RABGAP1L: variants seen among roughly 807,000 people sequenced by gnomAD.
The protein encoded by RABGAP1L is rab GTPase-activating protein 1-like.
Under a neutral mutation model 137.7 loss-of-function variants are expected in RABGAP1L, and 63 were observed. The ratio of observed to expected loss-of-function variants is 0.46; its 90% confidence interval spans 0.37 to 0.56. The LOEUF is 0.56. RABGAP1L is among the 20% of genes least tolerant of loss of function. The pLI is 0.00. For missense variants in RABGAP1L, 1,095 were observed against 1,244.0 expected, an observed-to-expected ratio of 0.88 and a Z score of 1.80; for synonymous variants, 431 against 433.7, an observed-to-expected ratio of 0.99 and a Z score of 0.08.
At chr1:174,786,635 G>A (rs1480534270) in intron 18 of RABGAP1L, among the ~76,000 whole-genome samples, 2 of 152,048 alleles carry the variant, frequency 1.3e-5, no homozygotes, top group South Asian at 2.1e-4. Context: ...GCTAAATAAC[G>A]TTGACCTTTA....
chr1:174,676,631 A>G (rs922301342), intron 14 of RABGAP1L, among the ~76,000 whole-genome samples: 3 of 152,192 alleles, frequency 2.0e-5, no homozygotes, highest in African/African-American at 4.8e-5. Context: ...GAAGAAATGT[A>G]TCTATTTTCC....
chr1:174,411,672 A>G (rs7548540), intron 13 of RABGAP1L, among the ~76,000 whole-genome samples: 87,446 of 151,810 alleles, frequency 0.58, 27,535 homozygotes, highest in African/African-American at 0.85. Context: ...TTGGTATCAG[A>G]TTGATGCTGA....
chr1:174,566,514 A>G (rs898598433), intron 13 of RABGAP1L, among the ~76,000 whole-genome samples: 2 of 152,178 alleles, frequency 1.3e-5, no homozygotes, highest in African/African-American at 2.4e-5. Flanking sequence ...CTGTTAGGCA[A>G]GGAACCATAG....
chr1:174,792,151 G>A (rs981497183), intron 18 of RABGAP1L, among the ~76,000 whole-genome samples: 1 of 152,184 alleles, frequency 6.6e-6, no homozygotes, highest in Non-Finnish European at 1.5e-5. Flanking sequence ...ATGATGATGA[G>A]CAGTCACTTA....
At chr1:174,919,890 T>C (rs1331928664) in intron 19 of RABGAP1L, among the ~76,000 whole-genome samples, 2 of 152,100 alleles carry the variant, frequency 1.3e-5, no homozygotes, top group Non-Finnish European at 2.9e-5. Context: ...ACCAAATTGA[T>C]GAAAAGTGTT....
chr1:174,882,279 G>A (rs528245502), intron 19 of RABGAP1L, among the ~76,000 whole-genome samples: 1 of 152,292 alleles, frequency 6.6e-6, no homozygotes, highest in African/African-American at 2.4e-5. Flanking sequence ...ATTGGACTTT[G>A]TTGCATAATG....
chr1:174,912,718 A>G (rs544457498), intron 19 of RABGAP1L, among the ~76,000 whole-genome samples: 4 of 152,316 alleles, frequency 2.6e-5, no homozygotes, highest in African/African-American at 9.6e-5. Flanking sequence ...ATCCAGATAT[A>G]TGTAGTCATA....
intron 1 of RABGAP1L, among the ~76,000 whole-genome samples, chr1:174,207,624 C>T (rs899638959): frequency 3.3e-5 from 5 of 152,098 alleles, no homozygotes; most frequent in Non-Finnish European, 7.4e-5. Context: ...CCAAATAATT[C>T]ATTTGGTTAT....
chr1:174,197,038 G>A (rs1325811852), intron 1 of RABGAP1L, among the ~76,000 whole-genome samples: 1 of 152,186 alleles, frequency 6.6e-6, no homozygotes, highest in Non-Finnish European at 1.5e-5. Flanking sequence ...AGGAATGACT[G>A]ATCTGGGATT....
chr1:174,618,809 AG>A (rs1290502582), intron 13 of RABGAP1L, among the ~76,000 whole-genome samples: 1 of 152,098 alleles, frequency 6.6e-6, no homozygotes, highest in African/African-American at 2.4e-5. Context: ...TGACGAGTTG[AG>A]AGAAGAAGGC....
chr1:174,754,604 T>C (rs1684579490), intron 18 of RABGAP1L, among the ~76,000 whole-genome samples: 3 of 152,072 alleles, frequency 2.0e-5, no homozygotes, highest in Non-Finnish European at 2.9e-5. Context: ...TGGGCTCAAG[T>C]GATCCTCCCT....
At chr1:174,559,002 G>A (rs982233191) in intron 13 of RABGAP1L, among the ~76,000 whole-genome samples, 7 of 152,184 alleles carry the variant, frequency 4.6e-5, no homozygotes, top group African/African-American at 9.6e-5. Context: ...TATTGTCAGA[G>A]TAAGTTAAAA....
At chr1:174,286,501 A>C (rs1482573625) in intron 10 of RABGAP1L, among the ~76,000 whole-genome samples, 1 of 151,886 alleles carries the variant, frequency 6.6e-6, no homozygotes, top group Non-Finnish European at 1.5e-5. Context: ...TCTTTCCAAA[A>C]AACCAGGTTT....
In RABGAP1L at chr1:174,775,098, G is replaced by A. The variant is rs552246797; in HGVS notation, c.2211+22744G>A. On this transcript the variant is annotated intron_variant, in intron 18 of 25. Transcript: ENST00000681986. Reference sequence around the variant, plus strand: ...TAAAGTCAGACACATCTTTCAATTCGGAGGAAGAGGGAAATTTCAAGCAAA... The same window carrying A: ...TAAAGTCAGACACATCTTTCAATTCAGAGGAAGAGGGAAATTTCAAGCAAA... 3.2e-4 allele frequency among the ~76,000 whole-genome samples: 49 copies of A among 152,166 alleles called. No homozygotes were observed. In the South Asian group the frequency reaches 8.9e-3, roughly 28 times the overall value.
chr1:174,918,822 C>CA (rs1472934932), intron 19 of RABGAP1L, among the ~76,000 whole-genome samples: 10 of 70,026 alleles, frequency 1.4e-4, no homozygotes, highest in Non-Finnish European at 2.6e-4. Context: ...AAGTGAGACC[C>CA]ACCCCCCCGA....
At chr1:174,162,785 T>TTTTTTTTTTTTTTTTTTTTTTTTTTTG (rs1664598796) in intron 1 of RABGAP1L, among the ~76,000 whole-genome samples, 1 of 71,164 alleles carries the variant, frequency 1.4e-5, no homozygotes, top group Non-Finnish European at 2.8e-5. Context: ...CTGTTTTTTT[T>TTTTTTTTTTTTTTTTTTTTTTTTTTTG]TTTTTTTTTT....
intron 19 of RABGAP1L, among the ~76,000 whole-genome samples, chr1:174,859,953 C>CTTTTT (rs746676430): frequency 5.3e-5 from 5 of 95,146 alleles, no homozygotes; most frequent in South Asian, 3.2e-4. Flanking sequence ...TAGTCCAATG[C>CTTTTT]TTTTTTTTTT....
chr1:174,900,435 G>T (rs1177530528), intron 19 of RABGAP1L, among the ~76,000 whole-genome samples: 1 of 152,202 alleles, frequency 6.6e-6, no homozygotes, highest in East Asian at 1.9e-4. Context: ...TGGAGAGGAT[G>T]TTGCTTGGTG....
At chr1:174,258,294 C>CT (rs1485881262) in intron 7 of RABGAP1L, among the ~76,000 whole-genome samples, 1 of 152,100 alleles carries the variant, frequency 6.6e-6, no homozygotes, top group Admixed American at 6.6e-5. Flanking sequence ...ACCTCTGAAT[C>CT]TTTTTTGTTA....
Sources: gnomAD v4.1 joint callset for allele counts (sites outside exome capture counted in the v4.1 genomes callset) on GRCh38, gnomAD v4.1.1 for gene constraint, MANE v1.5 for transcripts, NCBI Gene and HGNC (gene_info 2026-07-23, HGNC 2026-07-21) for gene names.